Variants in NSMCE2 observed in about 807,000 individuals in gnomAD.
The protein encoded by NSMCE2 is E3 SUMO-protein ligase NSE2.
Under a neutral mutation model 23.8 loss-of-function variants are expected in NSMCE2, and 24 were observed. That is an observed-to-expected ratio of 1.01 (90% CI 0.73 to 1.42). The LOEUF is 1.42. Ranked by LOEUF, NSMCE2 falls within the 40% of genes most tolerant of loss-of-function variation. The pLI is 0.00. For missense variants in NSMCE2, 284 were observed against 296.5 expected (o/e 0.96, Z 0.31); for synonymous variants, 92 against 94.1 (o/e 0.98, Z 0.13).
chr8:125,106,866 G>C (rs1215528105), intron 3 of NSMCE2, among the ~76,000 whole-genome samples: 1 of 150,548 alleles, frequency 6.6e-6, no homozygotes, highest in Non-Finnish European at 1.5e-5. Context: ...CGTGGTGGTG[G>C]GCGCCTATAA....
intron 5 of NSMCE2, among the ~76,000 whole-genome samples, chr8:125,306,235 C>T (rs1828754337): frequency 6.6e-6 from 1 of 151,914 alleles, no homozygotes; most frequent in South Asian, 2.1e-4. Flanking sequence ...GAGGCTGAGG[C>T]GAGAGGATGG....
intron 5 of NSMCE2, among the ~76,000 whole-genome samples, chr8:125,356,449 C>T (rs900953015): frequency 6.6e-6 from 1 of 151,180 alleles, no homozygotes; most frequent in African/African-American, 2.4e-5. Context: ...CTGCCCTAGC[C>T]TCCCAAATAG....
At chr8:125,366,630 A>G (rs925834600) in intron 7 of NSMCE2, 138 bp from the exon 8 acceptor site, 4 of 647,710 alleles carry the variant, frequency 6.2e-6, no homozygotes, top group Non-Finnish European at 1.1e-5. Context: ...CAGTGAATAA[A>G]TGAATGAGCA....
intron 7 of NSMCE2, among the ~76,000 whole-genome samples, chr8:125,362,848 G>A (rs764455445): frequency 2.0e-5 from 3 of 152,118 alleles, no homozygotes; most frequent in South Asian, 2.1e-4. Flanking sequence ...GAAGGTGGGC[G>A]CCTGCTCTGC....
intron 5 of NSMCE2, among the ~76,000 whole-genome samples, chr8:125,214,972 C>T (rs1367998629): frequency 6.6e-6 from 1 of 152,122 alleles, no homozygotes; most frequent in African/African-American, 2.4e-5. Context: ...ACCCATTAAA[C>T]AGTAATTCCC....
intron 5 of NSMCE2, among the ~76,000 whole-genome samples, chr8:125,354,900 C>T (rs1813188531): frequency 6.6e-6 from 1 of 152,168 alleles, no homozygotes; most frequent in Non-Finnish European, 1.5e-5. Flanking sequence ...TTTTTGAGCA[C>T]CTACATGACG....
chr8:125,097,627 C>G lies in NSMCE2; in HGVS notation c.-110-4424C>G, dbSNP rs73348119. The stretch of plus-strand genomic sequence containing the variant: ...TGTTGTGCCTATAATCCTTTCCTTT[C>G]TTGAACATTGTAGCATAGTGGGTTT... On this transcript the variant is annotated intron_variant, in intron 1 of 7. Coordinates refer to ENST00000287437, the MANE Select transcript of NSMCE2 (RefSeq NM_173685.4). Among the ~76,000 whole-genome samples, 228 of 152,230 alleles carry G rather than the reference C, an allele frequency of 1.5e-3. 3 individuals are homozygous for G. The highest frequency in any genetic ancestry group is 5.2e-3 in the African/African-American group (214 of 41,510).
chr8:125,112,434 T>G (rs1180636514), intron 3 of NSMCE2, among the ~76,000 whole-genome samples: 3 of 152,228 alleles, frequency 2.0e-5, no homozygotes, highest in African/African-American at 7.2e-5. Flanking sequence ...GATATCTGCC[T>G]TCTCATATTC....
chr8:125,146,475 A>C (rs1820679768), intron 3 of NSMCE2, among the ~76,000 whole-genome samples: 2 of 152,220 alleles, frequency 1.3e-5, no homozygotes, highest in South Asian at 4.1e-4. Context: ...TATTCACAGT[A>C]GCAAAGACTT....
chr8:125,130,097 G>C, intron 3 of NSMCE2: 2 of 332,210 alleles, frequency 6.0e-6, no homozygotes, highest in South Asian at 2.4e-5. Context: ...AGTTGGTTTC[G>C]CTTTTTTTTT....
intron 5 of NSMCE2, among the ~76,000 whole-genome samples, chr8:125,294,652 A>T (rs1439539445): frequency 6.6e-6 from 1 of 152,228 alleles, no homozygotes; most frequent in African/African-American, 2.4e-5. Flanking sequence ...GACTTTCTAA[A>T]ACAAAACCAT....
chr8:125,163,118 A>C (rs963389406), intron 4 of NSMCE2, among the ~76,000 whole-genome samples: 5 of 152,224 alleles, frequency 3.3e-5, no homozygotes, highest in Non-Finnish European at 5.9e-5. Context: ...TGTAATCCCA[A>C]CACTTTGGGA....
intron 5 of NSMCE2, among the ~76,000 whole-genome samples, chr8:125,252,764 C>G (rs10956233): frequency 0.34 from 52,261 of 152,126 alleles, 13,011 homozygotes; most frequent in African/African-American, 0.7. Flanking sequence ...GAAAGCATAC[C>G]TTTAACTTGT....
intron 5 of NSMCE2, among the ~76,000 whole-genome samples, chr8:125,333,363 G>A (rs1290599140): frequency 3.3e-5 from 5 of 151,294 alleles, no homozygotes. Context: ...TTAGAGACAG[G>A]GTGTCACTAA....
intron 5 of NSMCE2, among the ~76,000 whole-genome samples, chr8:125,294,704 T>C (rs1003516800): frequency 3.9e-5 from 6 of 152,236 alleles, no homozygotes; most frequent in Admixed American, 3.9e-4. Flanking sequence ...GTTAGAATTA[T>C]ACGTGAAAAA....
chr8:125,113,237 C>CA (rs1818853089), intron 3 of NSMCE2, among the ~76,000 whole-genome samples: 2 of 152,076 alleles, frequency 1.3e-5, no homozygotes, highest in Non-Finnish European at 1.5e-5. Flanking sequence ...CCTGTAATCC[C>CA]AGTGCTTTGG....
intron 3 of NSMCE2, among the ~76,000 whole-genome samples, chr8:125,144,048 A>AG (rs1323213966): frequency 6.6e-6 from 1 of 152,054 alleles, no homozygotes; most frequent in African/African-American, 2.4e-5. Context: ...TAGGGAAAAG[A>AG]GGGGGGGAAA....
At chr8:125,360,899 G>A (rs565421591) in intron 7 of NSMCE2, among the ~76,000 whole-genome samples, 29 of 152,230 alleles carry the variant, frequency 1.9e-4, no homozygotes, top group Admixed American at 1.4e-3. Flanking sequence ...GAATTTTACT[G>A]TGCAAGCTTC....
chr8:125,102,373 A>G lies in NSMCE2; in HGVS notation c.43A>G (p.Ile15Val). 6.2e-7 allele frequency: 1 copy of G among 1,613,844 alleles called. No individual in the cohort carries two copies. ...SSSNSGSTGF[I>V]SFSGVESALS... Reference sequence around the variant, plus strand: ...TTCAAATTCAGGTTCAACTGGTTTCATCTCCTTCAGTGGTGTAGAGTCTGC... The same window carrying G: ...TTCAAATTCAGGTTCAACTGGTTTCGTCTCCTTCAGTGGTGTAGAGTCTGC... Residue 15 changes from isoleucine to valine, a missense_variant, in exon 3 of 8, where the codon ATC becomes GTC. Ile to Val is a conservative substitution (Grantham distance 29). Around this residue, in one of 2 missense-constraint regions of NSMCE2, gnomAD observed 182 missense variants for 155.5 expected, o/e 1.17. Coordinates refer to ENST00000287437, the MANE Select transcript of NSMCE2 (RefSeq NM_173685.4).
Sources: gnomAD v4.1 joint callset for allele counts (sites outside exome capture counted in the v4.1 genomes callset) on GRCh38, gnomAD v4.1.1 for gene constraint, gnomAD v4.1.1 regional missense constraint, MANE v1.5 for transcripts, NCBI Gene and HGNC (gene_info 2026-07-23, HGNC 2026-07-21) for gene names.